DOCK7: variants seen among roughly 807,000 people sequenced by gnomAD.
The protein encoded by DOCK7 is dedicator of cytokinesis 7.
Under a neutral mutation model 271.0 loss-of-function variants are expected in DOCK7, and 138 were observed. The ratio of observed to expected loss-of-function variants is 0.51; its 90% CI spans 0.44 to 0.59. DOCK7 has a LOEUF of 0.59. DOCK7 is among the 20% of genes least tolerant of loss of function. The probability of loss-of-function intolerance (pLI) is 0.00; values close to 1 mark genes in which losing one functional copy is unlikely to be tolerated. For missense variants in DOCK7, 2,066 were observed against 2,592.4 expected (o/e 0.80, Z 4.41); for synonymous variants, 823 against 876.1 (o/e 0.94, Z 1.07).
At chr1:62,473,902 G>T in intron 48 of DOCK7, 80 bp downstream of exon 48, 1 of 1,140,226 alleles carries the variant, frequency 8.8e-7, no homozygotes, top group South Asian at 1.5e-5. Context: ...TCTTTTCAAT[G>T]GTTCCTTAAG....
intron 12 of DOCK7, 32 bp downstream of exon 12, chr1:62,625,227 C>T: frequency 6.2e-7 from 1 of 1,605,964 alleles, no homozygotes; most frequent in Non-Finnish European, 8.5e-7. Context: ...GCACAAACAT[C>T]TCCCCAAAAT....
At chr1:62,677,849 G>A (rs1195258291) in intron 1 of DOCK7, among the ~76,000 whole-genome samples, 1 of 152,236 alleles carries the variant, frequency 6.6e-6, no homozygotes, top group South Asian at 2.1e-4. Flanking sequence ...AAACAAGGAA[G>A]GCCAGGCACA....
intron 48 of DOCK7, among the ~76,000 whole-genome samples, chr1:62,471,172 A>G (rs979789782): frequency 1.3e-5 from 2 of 152,182 alleles, no homozygotes; most frequent in Non-Finnish European, 2.9e-5. Flanking sequence ...CATAAAAACT[A>G]TGTACCTAAT....
chr1:62,583,315 ATG>A, intron 15 of DOCK7, 61 bp from the exon 16 acceptor site: 2 of 1,438,310 alleles, frequency 1.4e-6, no homozygotes, highest in South Asian at 2.3e-5. Flanking sequence ...TTTCATAACT[ATG>A]TAAGAATTTG....
chr1:62,485,685 A>G (rs1262195802), intron 43 of DOCK7: 2 of 985,268 alleles, frequency 2.0e-6, no homozygotes, highest in Admixed American at 1.2e-4. Context: ...AAAAGTGGGG[A>G]GTAGGGTCAG....
At chr1:62,651,449 TA>T (rs71045850) in intron 4 of DOCK7, among the ~76,000 whole-genome samples, 121,580 of 130,152 alleles carry the variant, frequency 0.93, 56,736 homozygotes, top group South Asian at 0.99. Flanking sequence ...TAAAGTATAA[TA>T]AAAAAAAAAA....
intron 41 of DOCK7, among the ~76,000 whole-genome samples, chr1:62,491,237 G>C (rs779187126): frequency 3.7e-4 from 56 of 152,198 alleles, no homozygotes; most frequent in Non-Finnish European, 6.0e-4. Flanking sequence ...TAGGGATAAG[G>C]CCTGGTGAAG....
Position 62,537,995 on chromosome 1 carries a change from G to A in DOCK7, c.3367C>T (p.Arg1123Ter), listed in dbSNP as rs1422441647. The A allele has an allele frequency of 6.2e-7, 1 of 1,614,058 alleles. No individual in the cohort carries two copies. Residue 1123 changes from arginine (R) to a stop codon, truncating the protein, a stop_gained, in exon 28 of 50, where the codon CGA becomes TGA. Transcript: ENST00000635253. LOFTEE classifies it high-confidence loss of function. ...VLVSLRLDFL[R>*]IICSHEHYVT... ...TAGTGCTCATGACTGCAGATGATTC[G>A]TAGAAAATCCAGCCTCAAGGACACC...
chr1:62,653,869 G>A (rs138704293), intron 3 of DOCK7, 76 bp from the exon 4 acceptor site: 19 of 1,461,562 alleles, frequency 1.3e-5, no homozygotes, highest in East Asian at 1.1e-4. Flanking sequence ...TGCTACAATC[G>A]CTGTTTGCGT....
At chr1:62,553,352 ATATTTTTTTTTTTTTTTTTT>A (rs1375921451) in intron 21 of DOCK7, among the ~76,000 whole-genome samples, 319 of 9,310 alleles carry the variant, frequency 0.034, 1 homozygote, top group African/African-American at 0.091. Context: ...ATATATATAT[ATATTTTTTTTTTTTTTTTTT>A]TTTTTTTTTT....
chr1:62,535,594 A>T lies in DOCK7; in HGVS notation c.3510T>A (p.Ile1170=). 1 of 1,613,972 alleles carries T rather than the reference A, an allele frequency of 6.2e-7. No homozygotes were observed. Among genetic ancestry groups the T allele is most frequent in the East Asian group, 2.2e-5 (1 of 44,816 alleles). The change falls in exon 29 of 50, where the codon ATT becomes ATA. Residue 1170 remains isoleucine, a synonymous_variant. Transcript: ENST00000635253. ...GFSTNVQDQK[I]ANMFELSVPF... ...GCACGGATAATTCAAACATATTTGCAATCTTTTGGTCTTGTACATTCGTAG... is the reference window on the plus strand; with the variant it reads ...GCACGGATAATTCAAACATATTTGCTATCTTTTGGTCTTGTACATTCGTAG...
chr1:62,584,063 T>C (rs1053937672), intron 15 of DOCK7: 33 of 786,148 alleles, frequency 4.2e-5, no homozygotes, highest in Middle Eastern at 6.5e-4. Context: ...TATGCATGAA[T>C]AGATATGTGA....
chr1:62,633,658 T>A, intron 9 of DOCK7, 80 bp from the exon 10 acceptor site: 1 of 900,474 alleles, frequency 1.1e-6, no homozygotes, highest in Non-Finnish European at 1.8e-6. Context: ...AAAATCAATA[T>A]AACACATTAA....
At chr1:62,530,606 CT>C (rs1333880878) in intron 29 of DOCK7, 2 of 152,624 alleles carry the variant, frequency 1.3e-5, no homozygotes, top group Non-Finnish European at 2.9e-5. Flanking sequence ...ATAAAGTATA[CT>C]TTTATAGAGG....
chr1:62,679,592 G>T (rs991243338), intron 1 of DOCK7, among the ~76,000 whole-genome samples: 5 of 152,174 alleles, frequency 3.3e-5, no homozygotes, highest in Admixed American at 1.3e-4. Context: ...AACTTACAAT[G>T]AGATGGCATT....
At chr1:62,564,661 T>C in intron 18 of DOCK7, among the ~76,000 whole-genome samples, 1 of 151,360 alleles carries the variant, frequency 6.6e-6, no homozygotes, top group Non-Finnish European at 1.5e-5. Context: ...CAAGAGTAAA[T>C]AAAGTCAAAA....
At chr1:62,666,850 T>C (rs183402074) in intron 1 of DOCK7, among the ~76,000 whole-genome samples, 164 of 152,298 alleles carry the variant, frequency 1.1e-3, no homozygotes, top group African/African-American at 3.6e-3. Context: ...TAAATTATAA[T>C]ATGAAAAAAA....
chr1:62,670,493 G>A (rs1659852740), intron 1 of DOCK7, among the ~76,000 whole-genome samples: 1 of 152,058 alleles, frequency 6.6e-6, no homozygotes, highest in Non-Finnish European at 1.5e-5. Context: ...AGGACGTGGA[G>A]AACCTTTATG....
chr1:62,613,683 T>C (rs1652088182), intron 14 of DOCK7, among the ~76,000 whole-genome samples: 1 of 152,160 alleles, frequency 6.6e-6, no homozygotes, highest in Non-Finnish European at 1.5e-5. Context: ...CAGTTCTCTT[T>C]CCTACGATTT....
Sources: gnomAD v4.1 joint callset for allele counts (sites outside exome capture counted in the v4.1 genomes callset) on GRCh38, gnomAD v4.1.1 for gene constraint, MANE v1.5 for transcripts, NCBI Gene and HGNC (gene_info 2026-07-23, HGNC 2026-07-21) for gene names.